The following GEMIN2 variants were observed in gnomAD, a reference collection of about 807,000 sequenced individuals.
GEMIN2 encodes the protein gem nuclear organelle associated protein 2, also known as gem-associated protein 2.
A neutral mutation model predicts 45.8 loss-of-function variants in GEMIN2; 37 were observed. The ratio of observed to expected loss-of-function variants is 0.81; its 90% CI spans 0.62 to 1.06. The LOEUF (loss-of-function observed/expected upper bound fraction) is 1.06. Ranked by LOEUF, GEMIN2 falls within the 50% of genes least tolerant of loss-of-function variation. GEMIN2 has a pLI of 0.00. For missense variants in GEMIN2, 335 were observed against 321.8 expected, an observed-to-expected ratio of 1.04 and a Z score of -0.31; for synonymous variants, 101 against 111.5, an observed-to-expected ratio of 0.91 and a Z score of 0.60.
At chr14:39,120,757 A>C (rs920911015) in intron 4 of GEMIN2, among the ~76,000 whole-genome samples, 20 of 152,132 alleles carry the variant, frequency 1.3e-4, no homozygotes, top group Admixed American at 9.8e-4. Flanking sequence ...CCTCCCAAGT[A>C]GCTGGGATTA....
chr14:39,117,772 A>T (rs2052527882), intron 2 of GEMIN2, among the ~76,000 whole-genome samples: 3 of 152,164 alleles, frequency 2.0e-5, no homozygotes, highest in Admixed American at 2.0e-4. Context: ...ACCTTTCCAG[A>T]TTTCTCTGAT....
At chr14:39,132,581 C>T (rs1258358491) in intron 8 of GEMIN2, among the ~76,000 whole-genome samples, 2 of 151,630 alleles carry the variant, frequency 1.3e-5, no homozygotes, top group African/African-American at 4.8e-5. Context: ...GGCAGTAACC[C>T]ACCCACACCT....
chr14:39,133,631 A>G (rs1030858580), intron 8 of GEMIN2, 30 bp from the exon 9 acceptor site: 10 of 1,188,678 alleles, frequency 8.4e-6, no homozygotes, highest in Non-Finnish European at 1.1e-5. Context: ...GGAACAGACA[A>G]TATTTAAATT....
At chr14:39,131,356 C>T (rs184511658) in intron 7 of GEMIN2, among the ~76,000 whole-genome samples, 385 of 152,230 alleles carry the variant, frequency 2.5e-3, no homozygotes, top group Middle Eastern at 0.017. Flanking sequence ...TAAAGTGAAT[C>T]AAAGTTTGAT....
At chr14:39,128,485 C>CTTTTTTTTTTTTTTTTTTTTTTT (rs71130820) in intron 7 of GEMIN2, 137 bp downstream of exon 7, 17 of 148,486 alleles carry the variant, frequency 1.1e-4, no homozygotes, top group African/African-American at 3.8e-4. Flanking sequence ...TTTTTCTTTT[C>CTTTTTTTTTTTTTTTTTTTTTTT]TTTTTTTTTT....
chr14:39,130,912 G>T (rs1190091225), intron 7 of GEMIN2, among the ~76,000 whole-genome samples: 1 of 150,694 alleles, frequency 6.6e-6, no homozygotes, highest in Non-Finnish European at 1.5e-5. Flanking sequence ...AAAAGAAAAA[G>T]GACAAAAACA....
In GEMIN2 at chr14:39,131,958, G is replaced by T; in HGVS notation, c.601G>T (p.Gly201Ter). ...ATTAATTTTTTGAATTTTTTTTTAG[G>T]GAAGATGGCTTTATGCTTTATTGGC... ...FGERDFTPELGRWLYALLACL... is the reference protein window; with the variant it reads ...FGERDFTPEL The change falls in exon 8 of 10, where the codon GGA (glycine) becomes TGA (stop). Residue 201 changes from glycine (G) to a stop codon, truncating the protein, a stop_gained and splice_region_variant. Coordinates refer to ENST00000308317, the MANE Select transcript of GEMIN2 (RefSeq NM_003616.3). LOFTEE classifies it high-confidence loss of function. 6.7e-7 allele frequency: 1 copy of T among 1,497,244 alleles called. No individual in the cohort carries two copies. Among genetic ancestry groups the T allele is most frequent in the South Asian group, 1.2e-5 (1 of 85,122 alleles). The allele number at this position is 1,497,244 out of a possible 1,614,324, so 92.7% of individuals were successfully genotyped here. A position where few individuals can be genotyped will look rare whatever the true frequency, so the allele number is the denominator to read the frequency against.
chr14:39,114,590 T>C, intron 1 of GEMIN2, 115 bp downstream of exon 1: 2 of 774,536 alleles, frequency 2.6e-6, no homozygotes, highest in East Asian at 5.3e-5. Context: ...TTCAGGATTC[T>C]GGATTACATC....
At chr14:39,131,454 G>A (rs776069518) in intron 7 of GEMIN2, among the ~76,000 whole-genome samples, 2 of 152,136 alleles carry the variant, frequency 1.3e-5, no homozygotes, top group Non-Finnish European at 2.9e-5. Context: ...TTTTGTAGCT[G>A]AAAACCCCAT....
At chr14:39,128,131 G>A (rs2052668169) in intron 6 of GEMIN2, 149 bp from the exon 7 acceptor site, 2 of 453,402 alleles carry the variant, frequency 4.4e-6, no homozygotes, top group Admixed American at 4.0e-5. Context: ...ACTAATTAGA[G>A]TCAAACAAAT....
Position 39,114,342 on chromosome 14 carries a change from G to T in GEMIN2, c.4G>T (p.Ala2Ser). 6.2e-7 allele frequency: 1 copy of T among 1,614,098 alleles called. No individual in the cohort carries two copies. The change falls in exon 1 of 10, where the codon GCG becomes TCG. Residue 2 changes from alanine (A) to serine (S), a missense_variant. Transcript: ENST00000308317. MAWVPAESAVEE... is the reference protein window; with the variant it reads MSWVPAESAVEE... ...GGAACTGGCTGGTTTGAAAACCATG[G>T]CGTGGGTACCAGCGGAGTCCGCAGT...
At chr14:39,117,155 C>G (rs909225361) in intron 2 of GEMIN2, among the ~76,000 whole-genome samples, 2 of 151,818 alleles carry the variant, frequency 1.3e-5, no homozygotes, top group Admixed American at 1.3e-4. Context: ...GCCTGTAATC[C>G]CAGCTACTCG....
intron 9 of GEMIN2, among the ~76,000 whole-genome samples, chr14:39,136,126 T>C (rs1262471279): frequency 3.3e-5 from 5 of 152,112 alleles, no homozygotes; most frequent in African/African-American, 1.2e-4. Context: ...CAAACACGTA[T>C]ATTGGCAGTC....
rs2052589390 is a variant in GEMIN2, at chr14:39,122,762, T to C, written c.486+219T>C. The stretch of plus-strand genomic sequence containing the variant: ...CCTGCAAAGCCTAAAATATTTGCTG[T>C]CTGACTCTTGATAGAAAATGTTTGC... On this transcript the variant is annotated intron_variant, in intron 5 of 9. Coordinates refer to ENST00000308317, the MANE Select transcript of GEMIN2 (RefSeq NM_003616.3). 1.4e-5 allele frequency: 5 copies of C among 362,588 alleles called. No homozygotes were observed. In the East Asian group the frequency reaches 2.1e-4, roughly 15 times the overall value. The allele number at this position is 362,588 out of a possible 1,614,324, so 22.5% of individuals were successfully genotyped here.
intron 9 of GEMIN2, among the ~76,000 whole-genome samples, chr14:39,135,919 T>C (rs1294327419): frequency 6.6e-6 from 1 of 152,140 alleles, no homozygotes; most frequent in Non-Finnish European, 1.5e-5. Context: ...ATTCATTGTT[T>C]CTTTTTAAAA....
chr14:39,115,448 G>A (rs2052490350), intron 2 of GEMIN2, among the ~76,000 whole-genome samples: 1 of 134,636 alleles, frequency 7.4e-6, no homozygotes. Flanking sequence ...AAACCCAGAT[G>A]TCTTACACTT....
rs535660103 is a variant in GEMIN2 at position 39,122,514 on chromosome 14, A to G, written c.457A>G (p.Asn153Asp). Reference sequence around the variant, plus strand: ...TGACGGGGCTGTTGGACCAGCCACAAATGAAAGTCCTGGAATAGATTATGT... The same window carrying G: ...TGACGGGGCTGTTGGACCAGCCACAGATGAAAGTCCTGGAATAGATTATGT... ...CADGAVGPAT[N>D]ESPGIDYVQI... is the part of the protein sequence containing the mutation. Residue 153 changes from asparagine (N) to aspartate (D), a missense_variant, in exon 5 of 10, where the codon AAT becomes GAT. By Grantham distance (23) the Asn-to-Asp change is conservative. Transcript: ENST00000308317. 4 of 1,595,932 alleles carry G rather than the reference A, an allele frequency of 2.5e-6. No individual in the cohort carries two copies. The highest frequency in any genetic ancestry group is 2.2e-5 in the East Asian group (1 of 44,810).
At chr14:39,114,587 T>C (rs1391015035) in intron 1 of GEMIN2, 112 bp downstream of exon 1, 3 of 793,628 alleles carry the variant, frequency 3.8e-6, no homozygotes, top group Admixed American at 5.6e-5. Flanking sequence ...CTATTCAGGA[T>C]TCTGGATTAC....
rs1212260025 is a variant in GEMIN2, at chr14:39,128,067, C to CAAAAAAAAAAAAAA, written c.532-200_532-187dup. On this transcript the variant is annotated intron_variant, in intron 6 of 9. Transcript: ENST00000308317. ...TGGGCAACAGAGTGAGACTCTATCTCAAAAAAAAAAAAAAAAAAAAAAAAA... is the reference window on the plus strand; with the variant it reads ...TGGGCAACAGAGTGAGACTCTATCTCAAAAAAAAAAAAAAAAAAAAAAAAAAAAAAAAAAAAAAA... Among the ~76,000 whole-genome samples the CAAAAAAAAAAAAAA allele has an allele frequency of 1.9e-4, 2 of 10,552 alleles. 1 individual carries two copies. Among genetic ancestry groups the CAAAAAAAAAAAAAA allele is most frequent in the Non-Finnish European group, 6.5e-4 (2 of 3,086 alleles). 6.9% of individuals were successfully genotyped at this position (10,552 alleles called of 152,430 possible).
Sources: allele counts gnomAD v4.1 joint callset (sites outside exome capture counted in the v4.1 genomes callset), GRCh38; gene constraint gnomAD v4.1.1; transcripts MANE v1.5; gene names NCBI Gene and HGNC (gene_info 2026-07-23, HGNC 2026-07-21).